The following SCMH1 variants were observed in gnomAD, a reference collection of about 807,000 sequenced individuals.
SCMH1 encodes Scm polycomb group protein homolog 1.
Under a neutral mutation model 70.8 loss-of-function variants are expected in SCMH1, and 37 were observed. That is an observed-to-expected ratio of 0.52 (90% CI 0.40 to 0.69). The LOEUF (loss-of-function observed/expected upper bound fraction) is 0.69, where lower values mean the gene tolerates loss of function less well. SCMH1 is among the 30% of genes least tolerant of loss of function. The pLI is 0.00. For missense variants in SCMH1, 607 were observed against 827.3 expected (o/e 0.73, Z 3.27); for synonymous variants, 292 against 307.4 (o/e 0.95, Z 0.52).
At chr1:41,240,959 G>A (rs915520173) in intron 1 of SCMH1, among the ~76,000 whole-genome samples, 1 of 152,114 alleles carries the variant, frequency 6.6e-6, no homozygotes, top group Non-Finnish European at 1.5e-5. Context: ...CAGCAGATGA[G>A]AGACAACTGA....
intron 7 of SCMH1, among the ~76,000 whole-genome samples, chr1:41,115,304 C>T (rs1670195828): frequency 6.6e-6 from 1 of 152,154 alleles, no homozygotes; most frequent in African/African-American, 2.4e-5. Context: ...TCCAATTTTA[C>T]CATGTAATTT....
chr1:41,041,660 G>A (rs1646189348), intron 12 of SCMH1: 1 of 152,188 alleles, frequency 6.6e-6, no homozygotes, highest in African/African-American at 2.4e-5. Context: ...GGAAACCTAT[G>A]TGGGAATCAG....
chr1:41,231,712 C>A lies in SCMH1; in HGVS notation c.-118+10347G>T, dbSNP rs60841405. ...AACGTTCCTTGTTTGATGACTTTAA[C>A]AGTTTTGTGGAGTATTAGAAATTTT... is the stretch of plus-strand genomic sequence containing the variant. On this transcript the variant is annotated intron_variant, in intron 1 of 14. Coordinates refer to ENST00000337495, the Ensembl canonical transcript of SCMH1. 4.2e-3 allele frequency among the ~76,000 whole-genome samples: 634 copies of A among 152,204 alleles called. 6 individuals carry two copies. The highest frequency in any genetic ancestry group is 0.015 in the African/African-American group (607 of 41,520).
exon 15 of SCMH1, chr1:41,028,290 C>G (rs201217553): frequency 6.2e-7 from 1 of 1,612,776 alleles, no homozygotes; most frequent in Non-Finnish European, 8.5e-7. Context: ...TGTCACTGCG[C>G]AGCAGCAGCA....
intron 10 of SCMH1, among the ~76,000 whole-genome samples, chr1:41,058,299 G>A (rs900467620): frequency 2.7e-5 from 4 of 150,510 alleles, no homozygotes; most frequent in African/African-American, 9.8e-5. Context: ...TATGTCTGGG[G>A]AAAATATGAG....
intron 1 of SCMH1, among the ~76,000 whole-genome samples, chr1:41,223,024 G>C (rs1273133416): frequency 1.3e-5 from 2 of 151,966 alleles, no homozygotes; most frequent in African/African-American, 4.8e-5. Flanking sequence ...TGTGGGGTGA[G>C]GTTGCTTCAT....
chr1:41,117,005 G>A (rs762916876), exon 7 of SCMH1: 5 of 1,603,556 alleles, frequency 3.1e-6, no homozygotes, highest in Admixed American at 1.7e-5. Flanking sequence ...GCATTCAGCC[G>A]AAATCCTGCA....
At chr1:41,116,091 T>C (rs1670404121) in intron 7 of SCMH1, among the ~76,000 whole-genome samples, 1 of 152,240 alleles carries the variant, frequency 6.6e-6, no homozygotes, top group African/African-American at 2.4e-5. Context: ...CCTCCACTGA[T>C]CCGGAAGTTA....
At chr1:41,207,906 C>A (rs550993300) in intron 1 of SCMH1, among the ~76,000 whole-genome samples, 1 of 147,430 alleles carries the variant, frequency 6.8e-6, no homozygotes, top group South Asian at 2.3e-4. Context: ...TACCATTTGA[C>A]CCAGCCATCC....
rs115065264 is a variant in SCMH1, at chr1:41,098,119, T to C, written c.745+15164A>G. ...TCACCTACTCAGTCTCTATTAGTAT[T>C]ATTTTGAGCTTTATATATTATATAT... is the stretch of plus-strand genomic sequence containing the variant. On this transcript the variant is annotated intron_variant, in intron 8 of 14. Coordinates refer to ENST00000337495, the Ensembl canonical transcript of SCMH1. Among the ~76,000 whole-genome samples the C allele has an allele frequency of 2.8e-3, 429 of 152,362 alleles. 5 individuals are homozygous for C. Among genetic ancestry groups the C allele is most frequent in the African/African-American group, 9.6e-3 (401 of 41,594 alleles).
At chr1:41,169,904 T>G (rs1316136761) in intron 2 of SCMH1, among the ~76,000 whole-genome samples, 1 of 151,864 alleles carries the variant, frequency 6.6e-6, no homozygotes, top group Non-Finnish European at 1.5e-5. Flanking sequence ...AGACCCTCGG[T>G]GGAAGCTGTG....
Position 41,058,624 on chromosome 1 carries a change from C to G in SCMH1, c.1106-9734G>C, listed in dbSNP as rs979412199. Reference sequence around the variant, plus strand: ...CTTGATCTCCTGACCTTGTGATCCACCCGCCTCAGCCTTCCAAAGTGCTGG... The same window carrying G: ...CTTGATCTCCTGACCTTGTGATCCAGCCGCCTCAGCCTTCCAAAGTGCTGG... On this transcript the variant is annotated intron_variant, in intron 10 of 14. Coordinates refer to ENST00000337495, the Ensembl canonical transcript of SCMH1. Among the ~76,000 whole-genome samples, 8 of 152,086 alleles carry G rather than the reference C, an allele frequency of 5.3e-5. No individual in the cohort carries two copies. In the East Asian group the frequency reaches 1.5e-3, roughly 29 times the overall value.
intron 6 of SCMH1, among the ~76,000 whole-genome samples, chr1:41,123,417 C>G (rs1043876047): frequency 1.3e-5 from 2 of 152,240 alleles, no homozygotes; most frequent in East Asian, 1.9e-4. Flanking sequence ...ACACTGAGAT[C>G]GTGACTCACT....
intron 2 of SCMH1, among the ~76,000 whole-genome samples, chr1:41,175,357 G>A (rs1246412685): frequency 6.6e-6 from 1 of 152,138 alleles, no homozygotes; most frequent in Non-Finnish European, 1.5e-5. Context: ...CTGGTTTTCA[G>A]GTCTTTGGCA....
intron 2 of SCMH1, among the ~76,000 whole-genome samples, chr1:41,178,306 G>A (rs1379370215): frequency 2.6e-5 from 4 of 152,120 alleles, no homozygotes; most frequent in African/African-American, 4.8e-5. Flanking sequence ...AAAGACCATC[G>A]AGGCTAGGAA....
exon 11 of SCMH1, chr1:41,048,885 T>G (rs767052739): frequency 6.2e-7 from 1 of 1,612,874 alleles, no homozygotes; most frequent in South Asian, 1.1e-5. Flanking sequence ...TTCAAGTAGA[T>G]ACAAACTATG....
intron 4 of SCMH1, among the ~76,000 whole-genome samples, chr1:41,160,466 G>A (rs758679882): frequency 6.6e-6 from 1 of 152,130 alleles, no homozygotes; most frequent in Non-Finnish European, 1.5e-5. Context: ...GTTAGAAAAT[G>A]TTTAGGTTTA....
intron 10 of SCMH1, among the ~76,000 whole-genome samples, chr1:41,059,618 A>C (rs956548966): frequency 2.6e-5 from 4 of 152,228 alleles, no homozygotes; most frequent in African/African-American, 9.6e-5. Context: ...TGGATGCCAG[A>C]CAAGAACCTG....
chr1:41,233,462 GA>G (rs963036783), intron 1 of SCMH1, among the ~76,000 whole-genome samples: 1 of 152,088 alleles, frequency 6.6e-6, no homozygotes, highest in Non-Finnish European at 1.5e-5. Flanking sequence ...ATAGATAGCA[GA>G]AGATCAAAAG....
Sources: gnomAD v4.1 joint callset for allele counts (sites outside exome capture counted in the v4.1 genomes callset) on GRCh38, gnomAD v4.1.1 for gene constraint, MANE v1.5 for transcripts, NCBI Gene and HGNC (gene_info 2026-07-23, HGNC 2026-07-21) for gene names.